The following RNF4 variants were observed in gnomAD, a reference collection of about 807,000 sequenced individuals.
RNF4 encodes the protein E3 ubiquitin-protein ligase RNF4.
RNF4 carries 7 observed loss-of-function variants against 24.3 expected under a neutral mutation model. The ratio of observed to expected loss-of-function variants is 0.29; its 90% CI spans 0.16 to 0.54. The LOEUF (loss-of-function observed/expected upper bound fraction) is 0.54. Among genes scored for constraint, RNF4 ranks in the 20% least tolerant of loss-of-function variants. The pLI, the probability that RNF4 is intolerant of heterozygous loss-of-function variation, is 0.95. For missense variants in RNF4, 209 were observed against 248.5 expected, an observed-to-expected ratio of 0.84 and a Z score of 1.07; for synonymous variants, 83 against 84.3, an observed-to-expected ratio of 0.98 and a Z score of 0.09.
At chr4:2,511,934 T>G in intron 4 of RNF4, 22 bp from the exon 5 acceptor site, 1 of 1,599,268 alleles carries the variant, frequency 6.3e-7, no homozygotes, top group Non-Finnish European at 8.5e-7. Context: ...TTCTCTTTTG[T>G]TTTTCTCCTT....
Position 2,513,744 on chromosome 4 carries a change from C to A in RNF4, c.498C>A (p.Ser166=). Residue 166 remains serine, a synonymous_variant, in exon 8 of 8, where the codon TCC becomes TCA. Transcript: ENST00000314289. ...HVFCSQCLRD[S]LKNANTCPTC... ...TCTGTAGCCAGTGCCTCCGTGATTC[C>A]CTGAAGAATGCTAATACTTGCCCAA... The A allele has an allele frequency of 6.2e-7, 1 of 1,613,850 alleles. No individual in the cohort carries two copies. Among genetic ancestry groups the A allele is most frequent in the Non-Finnish European group, 8.5e-7 (1 of 1,179,870 alleles).
chr4:2,513,253 C>A, intron 7 of RNF4, 122 bp downstream of exon 7: 2 of 921,072 alleles, frequency 2.2e-6, no homozygotes, highest in South Asian at 1.4e-5. Flanking sequence ...CATGCCTGGG[C>A]CGTCACTTAT....
intron 3 of RNF4, among the ~76,000 whole-genome samples, chr4:2,498,667 T>C (rs1404881459): frequency 2.6e-5 from 4 of 152,242 alleles, no homozygotes; most frequent in African/African-American, 9.6e-5. Context: ...CTTGTGAAAC[T>C]TTATGATACA....
At chr4:2,500,529 G>C in intron 3 of RNF4, 130 bp from the exon 4 acceptor site, 1 of 853,778 alleles carries the variant, frequency 1.2e-6, no homozygotes, top group Non-Finnish European at 1.9e-6. Flanking sequence ...GGTGCTCTTT[G>C]CAGTGTATAC....
intron 2 of RNF4, chr4:2,490,762 A>G: frequency 2.5e-6 from 1 of 406,534 alleles, no homozygotes; most frequent in Non-Finnish European, 4.4e-6. Context: ...TCAGACCTTC[A>G]CAACAGTTGT....
At chr4:2,469,387 A>C (rs576891906) in intron 1 of RNF4, 129 bp downstream of exon 1, 2 of 152,198 alleles carry the variant, frequency 1.3e-5, no homozygotes, top group East Asian at 3.9e-4. Flanking sequence ...CGGGACCTCG[A>C]GCCAGCTCTG....
chr4:2,496,433 GTAAAGGGA>G, intron 2 of RNF4, among the ~76,000 whole-genome samples: 1 of 152,144 alleles, frequency 6.6e-6, no homozygotes, highest in Non-Finnish European at 1.5e-5. Flanking sequence ...TCAAGCTTTT[GTAAAGGGA>G]TGCATCGTGT....
At chr4:2,484,645 C>G (rs1242566646) in intron 1 of RNF4, among the ~76,000 whole-genome samples, 1 of 150,180 alleles carries the variant, frequency 6.7e-6, no homozygotes, top group Non-Finnish European at 1.5e-5. Flanking sequence ...ATCTGAAGTG[C>G]TTATAATAGC....
At chr4:2,491,791 T>G (rs2108762473) in intron 2 of RNF4, among the ~76,000 whole-genome samples, 1 of 151,904 alleles carries the variant, frequency 6.6e-6, no homozygotes, top group East Asian at 2.0e-4. Flanking sequence ...TGGAGTGCAG[T>G]GGTGTGATCA....
chr4:2,500,879 C>A (rs1735889687), intron 4 of RNF4, 141 bp downstream of exon 4: 1 of 701,150 alleles, frequency 1.4e-6, no homozygotes, highest in South Asian at 1.7e-5. Flanking sequence ...TGGAATTGAG[C>A]TTTTAGAAAG....
At chr4:2,498,046 T>C (rs1404950727) in intron 3 of RNF4, among the ~76,000 whole-genome samples, 1 of 152,066 alleles carries the variant, frequency 6.6e-6, no homozygotes, top group Non-Finnish European at 1.5e-5. Context: ...TACAAATGAG[T>C]TCTTGAAAGC....
chr4:2,491,268 G>T (rs113343869), intron 2 of RNF4, among the ~76,000 whole-genome samples: 2 of 152,030 alleles, frequency 1.3e-5, no homozygotes, highest in Non-Finnish European at 2.9e-5. Context: ...ACAGGGTCTC[G>T]CTCTGTCACC....
chr4:2,513,100 G>C lies in RNF4; in HGVS notation c.392G>C (p.Ser131Thr), dbSNP rs1469716199. The C allele has an allele frequency of 6.2e-7, 1 of 1,613,832 alleles. No individual in the cohort carries two copies. The highest frequency in any genetic ancestry group is 8.5e-7 in the Non-Finnish European group (1 of 1,179,826). Residue 131 changes from serine to threonine, a missense_variant, in exon 7 of 8, where the codon AGT (serine) becomes ACT (threonine). Ser to Thr is a moderately conservative substitution (Grantham distance 58). Coordinates refer to ENST00000314289, the MANE Select transcript of RNF4 (RefSeq NM_002938.5). ...ATGLRPSGTVSCPICMDGYSE... is the reference protein window; with the variant it reads ...ATGLRPSGTVTCPICMDGYSE... ...GCTCTTAGGCCCTCAGGTACTGTCA[G>C]TTGTCCCATCTGCATGGACGGATAC...
At chr4:2,489,532 T>A (rs937566010) in intron 1 of RNF4, among the ~76,000 whole-genome samples, 32 of 152,214 alleles carry the variant, frequency 2.1e-4, no homozygotes, top group African/African-American at 7.7e-4. Context: ...CCTAGCAGGC[T>A]GTGCTTAACG....
intron 1 of RNF4, among the ~76,000 whole-genome samples, 159 bp from the exon 2 acceptor site, chr4:2,490,178 A>T (rs1735538125): frequency 6.6e-6 from 1 of 152,202 alleles, no homozygotes; most frequent in South Asian, 2.1e-4. Flanking sequence ...TGCGACAAGA[A>T]TGCTTACTTC....
In RNF4 at chr4:2,470,413, T is replaced by G. The variant is rs116103255; in HGVS notation, c.-158+1155T>G. On this transcript the variant is annotated intron_variant, in intron 1 of 7. Transcript: ENST00000314289. ...AGGACATATTGGGTTCAGTTTTATC[T>G]GTGAGTTTGAGGTGAAATAGAGGCA... Among the ~76,000 whole-genome samples the G allele has an allele frequency of 1.8e-3, 278 of 152,358 alleles. 1 individual carries two copies. The highest frequency in any genetic ancestry group is 6.4e-3 in the African/African-American group (265 of 41,578).
In RNF4 at chr4:2,512,973, C is replaced by A; in HGVS notation, c.375-110C>A. The stretch of plus-strand genomic sequence containing the variant: ...TCGGATGCCCGCGCTAAGGCAGAGT[C>A]AGGAGGCCAGGGACGGGACTCTTGT... On this transcript the variant is annotated intron_variant, in intron 6 of 7. Transcript: ENST00000314289. The surrounding 1 kb of genome is among the most constrained non-coding windows in gnomAD (Gnocchi z 4.1). The A allele has an allele frequency of 1.9e-6, 2 of 1,068,964 alleles. No homozygotes were observed. The highest frequency in any genetic ancestry group is 2.4e-5 in the East Asian group (1 of 42,298). The allele number at this position is 1,068,964 out of a possible 1,614,324, so 66.2% of individuals were successfully genotyped here. A position where few individuals can be genotyped will look rare whatever the true frequency, so the allele number is the denominator to read the frequency against.
intron 1 of RNF4, among the ~76,000 whole-genome samples, chr4:2,489,222 G>C (rs530006143): frequency 3.9e-5 from 6 of 152,320 alleles, no homozygotes; most frequent in Admixed American, 1.3e-4. Flanking sequence ...TAAGGAGCCA[G>C]GGAAAGTTGC....
At position 2,512,848 on chromosome 4, in the gene RNF4, G is replaced by A. The variant is rs569906615; in HGVS notation, c.375-235G>A. On this transcript the variant is annotated intron_variant, in intron 6 of 7. Transcript: ENST00000314289. The surrounding 1 kb of genome is among the most constrained non-coding windows in gnomAD (Gnocchi z 4.1). The stretch of plus-strand genomic sequence containing the variant: ...GCCCCAGACAGGGATCCTGGGGCTG[G>A]TAGGGGCCTGGGGGAGGGCAGGGTG... Among the ~76,000 whole-genome samples, 55 of 152,258 alleles carry A rather than the reference G, an allele frequency of 3.6e-4. No homozygotes were observed. Among genetic ancestry groups the A allele is most frequent in the Non-Finnish European group, 6.2e-4 (42 of 68,004 alleles).
Sources: gnomAD v4.1 joint callset for allele counts (sites outside exome capture counted in the v4.1 genomes callset) on GRCh38, gnomAD v4.1.1 for gene constraint, Gnocchi (gnomAD v3.1) non-coding constraint, MANE v1.5 for transcripts, NCBI Gene and HGNC (gene_info 2026-07-23, HGNC 2026-07-21) for gene names.